The following SGCD variants were observed in gnomAD, a reference collection of about 807,000 sequenced individuals.
The protein encoded by SGCD is sarcoglycan delta, also known as delta-sarcoglycan.
In SGCD, 18 loss-of-function variants were observed where a neutral mutation model predicts 36.6. The ratio of observed to expected loss-of-function variants is 0.49; its 90% CI spans 0.34 to 0.73. The LOEUF (loss-of-function observed/expected upper bound fraction) is 0.73. Among genes scored for constraint, SGCD ranks in the 30% least tolerant of loss-of-function variants. The pLI is 0.01. For synonymous variants in SGCD, 133 were observed against 130.6 expected (o/e 1.02, Z -0.12); for missense variants, 387 against 346.7 (o/e 1.12, Z -0.92).
chr5:156,333,071 A>T (rs1948863), intron 2 of SGCD, among the ~76,000 whole-genome samples: 65,170 of 151,980 alleles, frequency 0.43, 14,323 homozygotes, highest in East Asian at 0.78. Flanking sequence ...TGATTTAAAA[A>T]ATATGTAAAA....
At chr5:156,341,528 T>C (rs1208845859) in intron 2 of SGCD, among the ~76,000 whole-genome samples, 1 of 152,082 alleles carries the variant, frequency 6.6e-6, no homozygotes, top group Non-Finnish European at 1.5e-5. Context: ...GTACTATATT[T>C]GTTCAGTTTC....
chr5:156,513,836 C>G (rs1187873175), intron 4 of SGCD, among the ~76,000 whole-genome samples: 1 of 152,176 alleles, frequency 6.6e-6, no homozygotes, highest in Non-Finnish European at 1.5e-5. Flanking sequence ...CCAGGACATT[C>G]TAGCTTTCAG....
At chr5:156,010,552 T>C (rs10476235) in intron 1 of SGCD, among the ~76,000 whole-genome samples, 1 of 152,188 alleles carries the variant, frequency 6.6e-6, no homozygotes, top group African/African-American at 2.4e-5. Context: ...TTCTAGGTAA[T>C]TACAGTATCT....
In SGCD at chr5:155,956,834, G is replaced by A. The variant is rs1021137758; in HGVS notation, c.-282+86410G>A. On this transcript the variant is annotated intron_variant, in intron 1 of 9. Transcript: ENST00000517913. ...GGTTAATCCAGGATGATCTAATCTC[G>A]AGATCCTTTACTTAGTTATGTCTGC... 3.4e-5 allele frequency among the ~76,000 whole-genome samples: 5 copies of A among 147,122 alleles called. 1 individual carries two copies. Among genetic ancestry groups the A allele is most frequent in the South Asian group, 4.3e-4 (2 of 4,634 alleles).
At chr5:155,809,703 G>A in the SGCD span, among the ~76,000 whole-genome samples, 1 of 152,218 alleles carries the variant, frequency 6.6e-6, no homozygotes, top group African/African-American at 2.4e-5. Flanking sequence ...ATATCTAGGA[G>A]AGATGAGCAT....
intron 6 of SGCD, among the ~76,000 whole-genome samples, chr5:156,619,180 G>T (rs1180919050): frequency 6.6e-6 from 1 of 151,940 alleles, no homozygotes. Flanking sequence ...CACCTGCCAC[G>T]ACGCCCGGCT....
Position 156,307,553 on chromosome 5 carries a change from T to C in SGCD, c.-43-21981T>C, listed in dbSNP as rs1162413859. Among the ~76,000 whole-genome samples the C allele has an allele frequency of 2.3e-5, 2 of 86,596 alleles. 1 individual carries two copies. Among genetic ancestry groups the C allele is most frequent in the Non-Finnish European group, 4.3e-5 (2 of 47,038 alleles). The allele number at this position is 86,596 out of a possible 152,430, so 56.8% of individuals were successfully genotyped here. ...TTCTTGTCTGTATACATTTTAACTG[T>C]TGTTTTTTTTTTTTTTTTTTTTTTT... On this transcript the variant is annotated intron_variant, in intron 3 of 9. Transcript: ENST00000517913.
intron 3 of SGCD, among the ~76,000 whole-genome samples, chr5:156,473,363 C>A (rs1172170062): frequency 6.6e-6 from 1 of 152,144 alleles, no homozygotes; most frequent in Non-Finnish European, 1.5e-5. Context: ...GCATTCAATA[C>A]ACCTAACTTA....
At chr5:156,173,252 T>C (rs1763384291) in intron 3 of SGCD, among the ~76,000 whole-genome samples, 1 of 152,110 alleles carries the variant, frequency 6.6e-6, no homozygotes, top group Admixed American at 6.5e-5. Flanking sequence ...TAAAAATAAA[T>C]GGACAAAAAA....
the SGCD span, among the ~76,000 whole-genome samples, chr5:155,792,045 G>C: frequency 5.3e-5 from 8 of 151,982 alleles, no homozygotes; most frequent in Admixed American, 5.3e-4. Context: ...ACATGATGCT[G>C]GTACAAAACC....
At chr5:156,199,497 A>T (rs1407044584) in intron 3 of SGCD, among the ~76,000 whole-genome samples, 1 of 152,122 alleles carries the variant, frequency 6.6e-6, no homozygotes, top group Non-Finnish European at 1.5e-5. Context: ...CCAACCTCAA[A>T]CTCCATTGTT....
intron 7 of SGCD, among the ~76,000 whole-genome samples, chr5:156,686,909 C>T (rs147978088): frequency 2.0e-5 from 3 of 152,238 alleles, no homozygotes; most frequent in Non-Finnish European, 2.9e-5. Context: ...ATTTAACAAC[C>T]GTGGCTGTGA....
intron 6 of SGCD, among the ~76,000 whole-genome samples, chr5:156,641,903 T>A (rs1763039991): frequency 6.6e-6 from 1 of 152,180 alleles, no homozygotes; most frequent in East Asian, 1.9e-4. Flanking sequence ...TTGCCTTCCT[T>A]AAGTGTCTTT....
chr5:156,307,542 C>A (rs929881469), intron 3 of SGCD, among the ~76,000 whole-genome samples: 54 of 85,786 alleles, frequency 6.3e-4, no homozygotes, highest in East Asian at 2.6e-3. Context: ...TGTCTGTATA[C>A]ATTTTAACTG....
At chr5:156,629,459 C>T (rs1762550815) in intron 6 of SGCD, among the ~76,000 whole-genome samples, 1 of 152,174 alleles carries the variant, frequency 6.6e-6, no homozygotes, top group Non-Finnish European at 1.5e-5. Flanking sequence ...AATGTCAAAA[C>T]CATGAAGTAC....
intron 1 of SGCD, among the ~76,000 whole-genome samples, chr5:156,051,819 C>A (rs190284832): frequency 8.2e-5 from 12 of 145,836 alleles, no homozygotes; most frequent in African/African-American, 2.5e-4. Context: ...AAGGAGCCAA[C>A]CCTGTCTGTA....
At chr5:155,993,255 G>T (rs1324625352) in intron 1 of SGCD, among the ~76,000 whole-genome samples, 1 of 150,428 alleles carries the variant, frequency 6.6e-6, no homozygotes, top group African/African-American at 2.5e-5. Context: ...CTGAGGACCT[G>T]TTTGTATCAG....
intron 3 of SGCD, among the ~76,000 whole-genome samples, chr5:156,185,521 A>C (rs1335154332): frequency 6.6e-6 from 1 of 151,662 alleles, no homozygotes; most frequent in African/African-American, 2.4e-5. Flanking sequence ...GCCTCTTTTA[A>C]TTTTTTTAAT....
At chr5:156,443,951 T>C (rs1189346765) in intron 3 of SGCD, among the ~76,000 whole-genome samples, 1 of 152,124 alleles carries the variant, frequency 6.6e-6, no homozygotes, top group Non-Finnish European at 1.5e-5. Flanking sequence ...GCTACCTTTA[T>C]AAATCAGAAT....
Sources: allele counts gnomAD v4.1 joint callset (sites outside exome capture counted in the v4.1 genomes callset), GRCh38; gene constraint gnomAD v4.1.1; transcripts MANE v1.5; gene names NCBI Gene and HGNC (gene_info 2026-07-23, HGNC 2026-07-21).